The following KCNB2 variants were observed in gnomAD, a reference collection of about 807,000 sequenced individuals.
The protein encoded by KCNB2 is delayed rectifier potassium channel protein.
KCNB2 carries 15 observed loss-of-function variants against 61.5 expected under a neutral mutation model. That is an observed-to-expected ratio of 0.24 (90% CI 0.16 to 0.38). The LOEUF (loss-of-function observed/expected upper bound fraction) is 0.38, where lower values mean the gene tolerates loss of function less well. KCNB2 is among the 10% of genes least tolerant of loss of function. The probability of loss-of-function intolerance (pLI) is 1.00; values close to 1 mark genes in which losing one functional copy is unlikely to be tolerated. For missense variants in KCNB2, 828 were observed against 1,125.2 expected (o/e 0.74, Z 3.78); for synonymous variants, 457 against 446.0 (o/e 1.02, Z -0.31).
chr8:72,560,410 G>T (rs570133606), intron 1 of KCNB2, among the ~76,000 whole-genome samples: 62 of 152,298 alleles, frequency 4.1e-4, no homozygotes, highest in African/African-American at 1.5e-3. Context: ...CGTGGAATCA[G>T]GTAGTGACTG....
Position 72,859,827 on chromosome 8 carries a change from C to T in KCNB2, c.580-76108C>T, listed in dbSNP as rs188292244. Among the ~76,000 whole-genome samples the T allele has an allele frequency of 3.5e-5, 5 of 143,050 alleles. No individual in the cohort carries two copies. The Admixed American group carries it at 3.7e-4, about 11-fold the overall frequency. The allele number at this position is 143,050 out of a possible 152,430, so 93.8% of individuals were successfully genotyped here. The stretch of plus-strand genomic sequence containing the variant: ...CTCCGCCCCCTGGGTTCAAGCGATT[C>T]TCCTGCCTCATCCTCCAGAGTAGCT... On this transcript the variant is annotated intron_variant, in intron 2 of 2. Coordinates refer to ENST00000523207, the MANE Select transcript of KCNB2 (RefSeq NM_004770.3).
At chr8:72,543,105 C>T (rs1427870329) in intron 1 of KCNB2, among the ~76,000 whole-genome samples, 2 of 152,130 alleles carry the variant, frequency 1.3e-5, no homozygotes. Flanking sequence ...CCAATACCCC[C>T]TTTTTATAAG....
chr8:72,893,136 A>G (rs1035299752), intron 2 of KCNB2, among the ~76,000 whole-genome samples: 2 of 151,418 alleles, frequency 1.3e-5, no homozygotes, highest in African/African-American at 2.4e-5. Flanking sequence ...ATGGCATGGT[A>G]TATGATTTGC....
chr8:72,701,080 G>A (rs1328182852), intron 2 of KCNB2, among the ~76,000 whole-genome samples: 1 of 152,072 alleles, frequency 6.6e-6, no homozygotes, highest in Non-Finnish European at 1.5e-5. Flanking sequence ...AACTAGAGGT[G>A]GGAGGGAGGG....
intron 2 of KCNB2, among the ~76,000 whole-genome samples, chr8:72,806,240 C>G (rs905572493): frequency 1.3e-5 from 2 of 151,840 alleles, no homozygotes; most frequent in African/African-American, 4.8e-5. Context: ...TGCCTGTAAT[C>G]CCAGCTACTT....
chr8:72,588,744 T>TA (rs35312898), intron 2 of KCNB2, among the ~76,000 whole-genome samples: 93,299 of 149,934 alleles, frequency 0.62, 29,538 homozygotes, highest in East Asian at 0.72. Context: ...AAAAAATAAA[T>TA]AAAAAAAAAA....
chr8:72,609,991 A>G (rs926221244), intron 2 of KCNB2, among the ~76,000 whole-genome samples: 13 of 152,170 alleles, frequency 8.5e-5, no homozygotes, highest in Non-Finnish European at 1.3e-4. Flanking sequence ...CTTCTTATGT[A>G]AAAGATCCTG....
chr8:72,595,397 C>T (rs1322855671), intron 2 of KCNB2, among the ~76,000 whole-genome samples: 1 of 150,668 alleles, frequency 6.6e-6, no homozygotes, highest in Non-Finnish European at 1.5e-5. Flanking sequence ...GTGATCTTGG[C>T]TCACTGCAAC....
chr8:72,723,296 G>A (rs957494938), intron 2 of KCNB2, among the ~76,000 whole-genome samples: 3 of 152,278 alleles, frequency 2.0e-5, no homozygotes, highest in African/African-American at 4.8e-5. Context: ...TGCTTTGCAC[G>A]AGGTGCTTAT....
At chr8:72,882,903 A>G (rs1185327630) in intron 2 of KCNB2, among the ~76,000 whole-genome samples, 1 of 152,194 alleles carries the variant, frequency 6.6e-6, no homozygotes, top group Non-Finnish European at 1.5e-5. Flanking sequence ...GGAAAATCTG[A>G]TGACACAGCC....
At chr8:72,600,017 T>C (rs1456022680) in intron 2 of KCNB2, among the ~76,000 whole-genome samples, 1 of 152,228 alleles carries the variant, frequency 6.6e-6, no homozygotes, top group African/African-American at 2.4e-5. Flanking sequence ...AGTTCAACCA[T>C]TGTGGAAGTC....
chr8:72,761,091 G>A (rs1234740815), intron 2 of KCNB2, among the ~76,000 whole-genome samples: 2 of 152,142 alleles, frequency 1.3e-5, no homozygotes, highest in African/African-American at 2.4e-5. Flanking sequence ...CAGCCCAGAG[G>A]GTAAGCTTCC....
intron 2 of KCNB2, among the ~76,000 whole-genome samples, chr8:72,707,071 G>C (rs921907044): frequency 6.6e-6 from 1 of 152,178 alleles, no homozygotes; most frequent in Non-Finnish European, 1.5e-5. Flanking sequence ...GGGATATGTA[G>C]GAACCACGAG....
At chr8:72,610,907 A>C (rs986255924) in intron 2 of KCNB2, among the ~76,000 whole-genome samples, 7 of 152,296 alleles carry the variant, frequency 4.6e-5, no homozygotes, top group African/African-American at 1.7e-4. Context: ...CAATGAGATC[A>C]GATTTGTCAG....
chr8:72,737,600 A>G (rs767575742), intron 2 of KCNB2, among the ~76,000 whole-genome samples: 2 of 152,204 alleles, frequency 1.3e-5, no homozygotes, highest in African/African-American at 2.4e-5. Context: ...CATGGAAGAC[A>G]TCATGATTGA....
At chr8:72,591,595 G>A (rs189185828) in intron 2 of KCNB2, among the ~76,000 whole-genome samples, 109 of 152,132 alleles carry the variant, frequency 7.2e-4, no homozygotes, top group African/African-American at 2.3e-3. Flanking sequence ...TTCTATTTCT[G>A]GATCCATTCC....
chr8:72,834,634 A>G (rs542349817), intron 2 of KCNB2, among the ~76,000 whole-genome samples: 33 of 152,168 alleles, frequency 2.2e-4, no homozygotes, highest in Non-Finnish European at 4.1e-4. Flanking sequence ...TCCTGAGGCA[A>G]CTTCAGTCTC....
intron 2 of KCNB2, among the ~76,000 whole-genome samples, chr8:72,893,438 T>TA (rs1044742730): frequency 1.4e-4 from 21 of 151,980 alleles, no homozygotes; most frequent in South Asian, 2.1e-4. Flanking sequence ...CCTATTTTAA[T>TA]AAAAAAAACT....
chr8:72,700,335 A>C (rs1266158716), intron 2 of KCNB2, among the ~76,000 whole-genome samples: 1 of 152,178 alleles, frequency 6.6e-6, no homozygotes, highest in Non-Finnish European at 1.5e-5. Flanking sequence ...CACGTTCTGC[A>C]CATGTATCCC....
Sources: allele counts gnomAD v4.1 joint callset (sites outside exome capture counted in the v4.1 genomes callset), GRCh38; gene constraint gnomAD v4.1.1; transcripts MANE v1.5; gene names NCBI Gene and HGNC (gene_info 2026-07-23, HGNC 2026-07-21).